TBC1D22A: variants seen among roughly 807,000 people sequenced by gnomAD.
TBC1D22A encodes TBC1 domain family member 22A, also known as putative GTPase activator.
A neutral mutation model predicts 60.2 loss-of-function variants in TBC1D22A; 38 were observed. That is an observed-to-expected ratio of 0.63 (90% CI 0.49 to 0.83). The LOEUF (loss-of-function observed/expected upper bound fraction) is 0.83, where lower values mean the gene tolerates loss of function less well. Among genes scored for constraint, TBC1D22A ranks in the 40% least tolerant of loss-of-function variants. TBC1D22A has a pLI of 0.00. For synonymous variants in TBC1D22A, 302 were observed against 281.7 expected (o/e 1.07, Z -0.72); for missense variants, 628 against 701.0 (o/e 0.90, Z 1.18).
At chr22:47,162,493 G>T (rs1316244567) in intron 12 of TBC1D22A, among the ~76,000 whole-genome samples, 1 of 152,196 alleles carries the variant, frequency 6.6e-6, no homozygotes, top group African/African-American at 2.4e-5. Context: ...GTAGCCATTG[G>T]CCTCGGCAGC....
At chr22:47,100,452 G>A (rs781665390) in intron 11 of TBC1D22A, among the ~76,000 whole-genome samples, 14 of 152,058 alleles carry the variant, frequency 9.2e-5, no homozygotes, top group Non-Finnish European at 2.9e-5. Context: ...GTGAGGCCTC[G>A]GGGGACGGGT....
chr22:46,976,555 G>A (rs898640892), intron 9 of TBC1D22A, among the ~76,000 whole-genome samples: 5 of 152,184 alleles, frequency 3.3e-5, no homozygotes, highest in African/African-American at 4.8e-5. Flanking sequence ...TTAAAACCAC[G>A]GCAACACGCA....
intron 9 of TBC1D22A, among the ~76,000 whole-genome samples, chr22:46,995,399 G>A (rs2148225070): frequency 6.6e-6 from 1 of 152,290 alleles, no homozygotes; most frequent in South Asian, 2.1e-4. Flanking sequence ...CCATTTCTAG[G>A]GAAAGAAAAA....
rs148657704 is a variant in TBC1D22A, at chr22:46,966,778, T to C, written c.1016-7512T>C. On this transcript the variant is annotated intron_variant, in intron 8 of 12. Transcript: ENST00000337137. ...GGTACCAAGTTCTTTGTACAAAAAG[T>C]AGGCCAGCTGCTTCACAGACACTGT... Among the ~76,000 whole-genome samples the C allele has an allele frequency of 4.9e-4, 74 of 152,350 alleles. No homozygotes were observed. The East Asian group carries it at 9.8e-3, about 20-fold the overall frequency.
intron 9 of TBC1D22A, among the ~76,000 whole-genome samples, chr22:46,975,465 G>A (rs746472095): frequency 5.9e-5 from 9 of 152,148 alleles, no homozygotes; most frequent in Non-Finnish European, 1.0e-4. Flanking sequence ...AGATCATCAC[G>A]GGTGTTCGCA....
At chr22:47,042,551 C>T (rs1394666158) in intron 11 of TBC1D22A, among the ~76,000 whole-genome samples, 1 of 152,254 alleles carries the variant, frequency 6.6e-6, no homozygotes, top group Non-Finnish European at 1.5e-5. Context: ...CTCCTGCACC[C>T]TGTGGGTCTG....
chr22:46,881,604 C>G (rs532632778), intron 5 of TBC1D22A, among the ~76,000 whole-genome samples: 2 of 152,266 alleles, frequency 1.3e-5, no homozygotes, highest in South Asian at 2.1e-4. Context: ...GTGTCTGGCT[C>G]GTAGGAGCAG....
intron 10 of TBC1D22A, among the ~76,000 whole-genome samples, chr22:47,013,581 T>C (rs1004835375): frequency 6.6e-6 from 1 of 152,206 alleles, no homozygotes; most frequent in African/African-American, 2.4e-5. Flanking sequence ...AAGGAACCAG[T>C]GTCCCTCTTA....
At chr22:46,892,791 C>T (rs565006970) in intron 6 of TBC1D22A, among the ~76,000 whole-genome samples, 5 of 152,280 alleles carry the variant, frequency 3.3e-5, no homozygotes, top group South Asian at 4.2e-4. Flanking sequence ...AAGTTAATTA[C>T]GAACAGGTTG....
At chr22:47,169,278 C>G (rs1287794053) in intron 12 of TBC1D22A, among the ~76,000 whole-genome samples, 5 of 152,184 alleles carry the variant, frequency 3.3e-5, no homozygotes, top group Non-Finnish European at 7.3e-5. Context: ...CAGGGGTTGC[C>G]TGGTGGAAAG....
chr22:46,876,878 A>G (rs1001573036), intron 4 of TBC1D22A, among the ~76,000 whole-genome samples: 5 of 152,334 alleles, frequency 3.3e-5, no homozygotes, highest in East Asian at 1.9e-4. Flanking sequence ...CCAAACACCT[A>G]TGAGGATGGT....
intron 7 of TBC1D22A, among the ~76,000 whole-genome samples, chr22:46,907,301 G>A (rs1038488477): frequency 1.3e-5 from 2 of 152,102 alleles, no homozygotes; most frequent in Non-Finnish European, 1.5e-5. Context: ...CCTTTCAATG[G>A]AGTTACTTCT....
At chr22:47,138,511 T>G (rs1004646954) in intron 12 of TBC1D22A, among the ~76,000 whole-genome samples, 1 of 152,174 alleles carries the variant, frequency 6.6e-6, no homozygotes, top group Non-Finnish European at 1.5e-5. Flanking sequence ...CGGCACAGCT[T>G]CCCAGCCAGC....
intron 11 of TBC1D22A, among the ~76,000 whole-genome samples, chr22:47,044,683 A>G (rs2062970680): frequency 6.6e-6 from 1 of 152,210 alleles, no homozygotes; most frequent in South Asian, 2.1e-4. Flanking sequence ...CTGGGGAGGG[A>G]TTTCAAAATG....
chr22:46,904,748 G>A (rs184714110), intron 7 of TBC1D22A, among the ~76,000 whole-genome samples: 35 of 151,622 alleles, frequency 2.3e-4, no homozygotes, highest in African/African-American at 8.0e-4. Flanking sequence ...GATTACAGGC[G>A]TGAGCCACTG....
intron 9 of TBC1D22A, among the ~76,000 whole-genome samples, chr22:46,977,139 C>T (rs185008786): frequency 3.1e-4 from 47 of 152,300 alleles, no homozygotes; most frequent in African/African-American, 1.1e-3. Context: ...ACGTTGACGG[C>T]TCTGGGATCT....
chr22:46,891,448 G>GA, intron 6 of TBC1D22A, 54 bp downstream of exon 6: 1 of 1,520,660 alleles, frequency 6.6e-7, no homozygotes, highest in Non-Finnish European at 8.8e-7. Flanking sequence ...GCTTTGCTGT[G>GA]ATTTATAGGA....
chr22:47,090,964 G>C (rs1231359717), intron 11 of TBC1D22A, among the ~76,000 whole-genome samples: 1 of 139,664 alleles, frequency 7.2e-6, no homozygotes, highest in South Asian at 2.5e-4. Flanking sequence ...AGACAGGCAC[G>C]AGAAGTTGTC....
chr22:46,984,405 A>AAAAAAAAAAAAAAAAAAAG (rs1569304186), intron 9 of TBC1D22A, among the ~76,000 whole-genome samples: 1 of 135,244 alleles, frequency 7.4e-6, no homozygotes, highest in Non-Finnish European at 1.6e-5. Context: ...AAAAAAAAAA[A>AAAAAAAAAAAAAAAAAAAG]AGAGAAGTTC....
Sources: gnomAD v4.1 joint callset for allele counts (sites outside exome capture counted in the v4.1 genomes callset) on GRCh38, gnomAD v4.1.1 for gene constraint, MANE v1.5 for transcripts, NCBI Gene and HGNC (gene_info 2026-07-23, HGNC 2026-07-21) for gene names.